CCDC73: variants seen among roughly 807,000 people sequenced by gnomAD.
CCDC73 encodes the protein coiled-coil domain containing 73.
CCDC73 carries 95 observed loss-of-function variants against 116.5 expected under a neutral mutation model. The ratio of observed to expected loss-of-function variants is 0.82; its 90% CI spans 0.69 to 0.97. CCDC73 has a LOEUF of 0.97. Among genes scored for constraint, CCDC73 ranks in the 50% least tolerant of loss-of-function variants. The pLI is 0.00. For synonymous variants in CCDC73, 398 were observed against 401.3 expected (o/e 0.99, Z 0.10); for missense variants, 1,066 against 1,206.8 (o/e 0.88, Z 1.73).
At chr11:32,625,126 G>T (rs952865303) in intron 14 of CCDC73, among the ~76,000 whole-genome samples, 2 of 151,952 alleles carry the variant, frequency 1.3e-5, no homozygotes, top group African/African-American at 4.8e-5. Context: ...GTTTTCCATT[G>T]GCTTGGTAGA....
At chr11:32,645,329 T>G (rs1469545373) in intron 12 of CCDC73, among the ~76,000 whole-genome samples, 1 of 150,650 alleles carries the variant, frequency 6.6e-6, no homozygotes, top group African/African-American at 2.4e-5. Context: ...TCTTGCTCTG[T>G]TGCCCAGGCT....
intron 2 of CCDC73, among the ~76,000 whole-genome samples, chr11:32,734,592 C>A (rs1230980745): frequency 1.3e-5 from 2 of 151,842 alleles, no homozygotes; most frequent in Non-Finnish European, 2.9e-5. Flanking sequence ...TGTTTGTGTC[C>A]CTGGGTACTT....
At chr11:32,748,702 C>T (rs913555730) in intron 2 of CCDC73, among the ~76,000 whole-genome samples, 1 of 152,162 alleles carries the variant, frequency 6.6e-6, no homozygotes, top group Non-Finnish European at 1.5e-5. Context: ...TTCTTTTGGA[C>T]TGAAGACTTC....
chr11:32,664,648 T>A (rs955799223), intron 9 of CCDC73, among the ~76,000 whole-genome samples: 1 of 152,224 alleles, frequency 6.6e-6, no homozygotes, highest in African/African-American at 2.4e-5. Flanking sequence ...TCAATGATAT[T>A]TTTGAAGGGT....
intron 1 of CCDC73, among the ~76,000 whole-genome samples, chr11:32,773,195 A>G (rs1179512548): frequency 6.6e-6 from 1 of 152,206 alleles, no homozygotes; most frequent in Non-Finnish European, 1.5e-5. Context: ...TTAATGATTC[A>G]ACATATATGA....
At chr11:32,731,163 G>A (rs933780362) in intron 2 of CCDC73, among the ~76,000 whole-genome samples, 1 of 152,214 alleles carries the variant, frequency 6.6e-6, no homozygotes, top group Non-Finnish European at 1.5e-5. Flanking sequence ...CACCCACGGA[G>A]CTTGGCTCAC....
the CCDC73 span, among the ~76,000 whole-genome samples, chr11:32,823,628 A>G: frequency 6.6e-4 from 81 of 123,416 alleles, no homozygotes; most frequent in Middle Eastern, 8.1e-3. Flanking sequence ...GCAAAATTGG[A>G]AAAAAAAAAA....
At chr11:32,660,571 TC>T (rs1208904289) in intron 9 of CCDC73, among the ~76,000 whole-genome samples, 1 of 152,080 alleles carries the variant, frequency 6.6e-6, no homozygotes, top group African/African-American at 2.4e-5. Context: ...ATACCTGTAA[TC>T]CCAGCACTTT....
At chr11:32,733,843 C>A (rs1402863505) in intron 2 of CCDC73, among the ~76,000 whole-genome samples, 8 of 152,260 alleles carry the variant, frequency 5.3e-5, no homozygotes, top group African/African-American at 1.9e-4. Context: ...GACACACTAA[C>A]ATCACAATTA....
chr11:32,658,138 T>G (rs2133266925), intron 9 of CCDC73, among the ~76,000 whole-genome samples: 1 of 152,298 alleles, frequency 6.6e-6, no homozygotes, highest in African/African-American at 2.4e-5. Flanking sequence ...CCCTTATCTC[T>G]TCAGGTACAG....
At chr11:32,806,780 A>G in the CCDC73 span, among the ~76,000 whole-genome samples, 1 of 152,216 alleles carries the variant, frequency 6.6e-6, no homozygotes, top group African/African-American at 2.4e-5. Context: ...TTATGTGAGC[A>G]AAAAGGCCGG....
intron 7 of CCDC73, chr11:32,680,968 C>T (rs768385502): frequency 2.0e-4 from 31 of 151,850 alleles, no homozygotes; most frequent in Admixed American, 4.6e-4. Flanking sequence ...AGTCATGCTG[C>T]TAATATATGT....
chr11:32,732,432 T>C (rs1432327698), intron 2 of CCDC73, among the ~76,000 whole-genome samples: 1 of 151,930 alleles, frequency 6.6e-6, no homozygotes, highest in Non-Finnish European at 1.5e-5. Flanking sequence ...ACAAAGATAC[T>C]CCTCATGAAG....
intron 6 of CCDC73, among the ~76,000 whole-genome samples, chr11:32,690,184 A>G (rs966924112): frequency 1.3e-5 from 2 of 152,194 alleles, no homozygotes; most frequent in Non-Finnish European, 1.5e-5. Flanking sequence ...TTCCCAAAAA[A>G]TATATTAATT....
chr11:32,603,335 A>G (rs1297069484), intron 17 of CCDC73: 1 of 233,812 alleles, frequency 4.3e-6, no homozygotes, highest in Non-Finnish European at 8.1e-6. Context: ...GGAAGTTGGC[A>G]TGTTTTCAAG....
chr11:32,807,880 A>T, the CCDC73 span, among the ~76,000 whole-genome samples: 4 of 152,228 alleles, frequency 2.6e-5, no homozygotes, highest in African/African-American at 9.6e-5. Flanking sequence ...ACCCTGACCG[A>T]GCATAATCAG....
At chr11:32,664,275 C>T (rs1855958916) in intron 9 of CCDC73, among the ~76,000 whole-genome samples, 2 of 152,082 alleles carry the variant, frequency 1.3e-5, no homozygotes, top group Non-Finnish European at 2.9e-5. Context: ...CTCCTTGTAC[C>T]TCCGGTAGAA....
At chr11:32,607,648 T>TA (rs35012084) in intron 17 of CCDC73, among the ~76,000 whole-genome samples, 37,332 of 151,998 alleles carry the variant, frequency 0.25, 4,709 homozygotes, top group Middle Eastern at 0.28. Context: ...GGTTAAGACT[T>TA]AGATTTTCCA....
the CCDC73 span, among the ~76,000 whole-genome samples, chr11:32,821,332 C>CA: frequency 6.6e-6 from 1 of 151,906 alleles, no homozygotes; most frequent in African/African-American, 2.4e-5. Flanking sequence ...TAAATGTGTC[C>CA]AAAAAAATCA....
Sources: allele counts gnomAD v4.1 joint callset (sites outside exome capture counted in the v4.1 genomes callset), GRCh38; gene constraint gnomAD v4.1.1; transcripts MANE v1.5; gene names NCBI Gene and HGNC (gene_info 2026-07-23, HGNC 2026-07-21).